OPHN1: variants seen among roughly 807,000 people sequenced by gnomAD.
OPHN1 encodes the protein oligophrenin 1.
Under a neutral mutation model 60.7 loss-of-function variants are expected in OPHN1, and 11 were observed. The observed-to-expected ratio is 0.18, with a 90% CI of 0.11 to 0.30. The LOEUF is 0.30. OPHN1 is among the 10% of genes least tolerant of loss of function. The pLI is 1.00. For synonymous variants in OPHN1, 226 were observed against 222.6 expected (o/e 1.02, Z -0.14); for missense variants, 449 against 611.0 (o/e 0.73, Z 2.80).
chrX:68,432,786 C>T, intron 2 of OPHN1, 81 bp downstream of exon 2: 1 of 1,090,874 alleles, frequency 9.2e-7, no homozygotes, highest in African/African-American at 1.8e-5. Flanking sequence ...CCTGCAATCT[C>T]CCTTCCCCTG....
At chrX:68,079,464 A>G (rs951920959) in intron 19 of OPHN1, among the ~76,000 whole-genome samples, 1 of 111,750 alleles carries the variant, frequency 8.9e-6, no homozygotes, top group Non-Finnish European at 1.9e-5. Context: ...GTGCTCCAAC[A>G]TTTAACACAT....
intron 15 of OPHN1, among the ~76,000 whole-genome samples, chrX:68,154,991 ACAAAAAGCATGC>A (rs2077303037): frequency 1.1e-5 from 1 of 95,230 alleles, no homozygotes; most frequent in African/African-American, 4.0e-5. Flanking sequence ...GAGCCAGGTG[ACAAAAAGCATGC>A]TAGAGGGTGC....
At chrX:68,076,586 T>C in intron 19 of OPHN1, among the ~76,000 whole-genome samples, 1 of 111,924 alleles carries the variant, frequency 8.9e-6, no homozygotes, top group Middle Eastern at 4.6e-3. Context: ...AGTACAATGA[T>C]ACAGTTACTT....
At chrX:68,168,484 T>A (rs1257639421) in intron 15 of OPHN1, among the ~76,000 whole-genome samples, 1 of 110,684 alleles carries the variant, frequency 9.0e-6, no homozygotes, top group African/African-American at 3.3e-5. Context: ...TACCAGAATC[T>A]CTGGGACACA....
Position 68,274,828 on chromosome X carries a change from C to G in OPHN1, c.313-19G>C. 8.9e-7 allele frequency: 1 copy of G among 1,125,838 alleles called. No individual in the cohort carries two copies. Among genetic ancestry groups the G allele is most frequent in the Non-Finnish European group, 1.2e-6 (1 of 820,155 alleles). 92.8% of individuals were successfully genotyped at this position (1,125,838 alleles called of 1,213,427 possible). ...TGTGTACCTAGACAAAAAGGAAAAA[C>G]AAACAAAACAATTTCTAGGTTAACA... is the stretch of plus-strand genomic sequence containing the variant. On this transcript the variant is annotated intron_variant, in intron 4 of 24. Transcript: ENST00000355520.
chrX:68,362,227 G>A (rs1009747099), intron 2 of OPHN1, among the ~76,000 whole-genome samples: 1 of 111,957 alleles, frequency 8.9e-6, no homozygotes, highest in African/African-American at 3.2e-5. Flanking sequence ...TTGCAACACA[G>A]GGATGAACAT....
chrX:68,080,739 T>C (rs1175112407), intron 19 of OPHN1, among the ~76,000 whole-genome samples: 1 of 112,053 alleles, frequency 8.9e-6, no homozygotes. Context: ...TCTTGGACTA[T>C]TCACTGCTAG....
intron 2 of OPHN1, among the ~76,000 whole-genome samples, chrX:68,401,383 T>G (rs965777640): frequency 2.7e-5 from 3 of 111,929 alleles, no homozygotes; most frequent in East Asian, 2.8e-4. Context: ...CTAGATAGAC[T>G]ACCAGGATTA....
At chrX:68,127,146 TAA>T (rs776862202) in intron 15 of OPHN1, among the ~76,000 whole-genome samples, 1 of 111,175 alleles carries the variant, frequency 9.0e-6, no homozygotes, top group East Asian at 2.9e-4. Flanking sequence ...GTTTCCTCCA[TAA>T]AAAGAGTTAT....
chrX:68,145,465 A>T (rs148463668), intron 15 of OPHN1, among the ~76,000 whole-genome samples: 546 of 111,959 alleles, frequency 4.9e-3, no homozygotes, highest in African/African-American at 0.017. Context: ...AAGTCTGCAG[A>T]CATGTTTTGA....
chrX:68,055,583 C>A (rs767076720), intron 21 of OPHN1, among the ~76,000 whole-genome samples: 1 of 111,867 alleles, frequency 8.9e-6, no homozygotes, highest in Admixed American at 9.5e-5. Flanking sequence ...TACTATTTGA[C>A]CCAGCCATCC....
chrX:68,193,522 A>T, intron 14 of OPHN1, among the ~76,000 whole-genome samples: 1 of 111,921 alleles, frequency 8.9e-6, no homozygotes, highest in Middle Eastern at 4.6e-3. Flanking sequence ...GGCAACCAGG[A>T]AGAATGCTGA....
intron 2 of OPHN1, among the ~76,000 whole-genome samples, chrX:68,427,078 C>G (rs1210811443): frequency 1.4e-5 from 1 of 72,282 alleles, no homozygotes; most frequent in African/African-American, 4.4e-5. Flanking sequence ...ATGGTGAAAC[C>G]CCATCTCTAC....
At position 68,201,729 on chromosome X, in the gene OPHN1, TA is replaced by T. The variant is rs2077536205; in HGVS notation, c.934-20del. ...AGGGCCCCTGATATGAAACAAGAAT[TA>T]ACAGGCAATTTTTAAAAAAAGACAC... On this transcript the variant is annotated intron_variant, in intron 10 of 24. Transcript: ENST00000355520. 2 of 1,152,071 alleles carry T rather than the reference TA, an allele frequency of 1.7e-6. No homozygotes were observed. The highest frequency in any genetic ancestry group is 2.2e-5 in the Admixed American group (1 of 45,589). 94.9% of individuals were successfully genotyped at this position (1,152,071 alleles called of 1,213,427 possible). A position where few individuals can be genotyped will look rare whatever the true frequency, so the allele number is the denominator to read the frequency against.
intron 15 of OPHN1, among the ~76,000 whole-genome samples, chrX:68,144,506 T>C (rs2077255967): frequency 8.9e-6 from 1 of 111,880 alleles, no homozygotes. Flanking sequence ...ATAGTTGGAA[T>C]TTAGACATTA....
At chrX:68,376,235 A>T (rs2078556150) in intron 2 of OPHN1, among the ~76,000 whole-genome samples, 4 of 111,929 alleles carry the variant, frequency 3.6e-5, no homozygotes, top group African/African-American at 9.7e-5. Context: ...CATTCTAGTG[A>T]AGGAGACTCA....
At chrX:68,097,685 C>T (rs985791143) in intron 18 of OPHN1, among the ~76,000 whole-genome samples, 1 of 110,966 alleles carries the variant, frequency 9.0e-6, no homozygotes, top group African/African-American at 3.3e-5. Context: ...TGGGATAGGG[C>T]CAATTCTCTT....
chrX:68,158,203 G>A (rs781494354), intron 15 of OPHN1, among the ~76,000 whole-genome samples: 3 of 112,676 alleles, frequency 2.7e-5, no homozygotes, highest in Non-Finnish European at 3.8e-5. Context: ...AGAGCCTTGC[G>A]CAAAAGCAGT....
chrX:68,314,889 G>A (rs12010697), intron 2 of OPHN1, among the ~76,000 whole-genome samples: 22,297 of 107,399 alleles, frequency 0.21, 2,259 homozygotes, highest in African/African-American at 0.38. Flanking sequence ...AGGAGGCTGA[G>A]GCAGGAGAAC....
Sources: gnomAD v4.1 joint callset for allele counts (sites outside exome capture counted in the v4.1 genomes callset) on GRCh38, gnomAD v4.1.1 for gene constraint, MANE v1.5 for transcripts, NCBI Gene and HGNC (gene_info 2026-07-23, HGNC 2026-07-21) for gene names.